The following LOC128092252 variants were observed in gnomAD, a reference collection of about 807,000 sequenced individuals.
the LOC128092252 span, among the ~76,000 whole-genome samples, chr15:50,660,524 G>A: frequency 2.6e-5 from 4 of 152,086 alleles, no homozygotes; most frequent in South Asian, 2.1e-4. Flanking sequence ...GCGTGGTAGC[G>A]CATGCCTATA....
chr15:50,659,945 G>T, the LOC128092252 span, among the ~76,000 whole-genome samples: 2 of 152,084 alleles, frequency 1.3e-5, no homozygotes, highest in Non-Finnish European at 2.9e-5. Flanking sequence ...GATTACAGGC[G>T]TGAGCCACCA....
At chr15:50,657,725 TAG>T in the LOC128092252 span, 4 of 1,450,648 alleles carry the variant, frequency 2.8e-6, no homozygotes, top group Non-Finnish European at 3.8e-6. Flanking sequence ...ATATTTCTAA[TAG>T]ATTAGTTTTA....
At chr15:50,683,577 T>C in the LOC128092252 span, among the ~76,000 whole-genome samples, 1 of 151,762 alleles carries the variant, frequency 6.6e-6, no homozygotes, top group African/African-American at 2.4e-5. Flanking sequence ...CTACTAAAAA[T>C]ACAAAAATTA....
the LOC128092252 span, among the ~76,000 whole-genome samples, chr15:50,678,750 C>A: frequency 2.6e-5 from 4 of 152,022 alleles, no homozygotes; most frequent in African/African-American, 7.2e-5. Context: ...AAACTTAAGG[C>A]CAGGTGCAGT....
At chr15:50,678,822 G>A in the LOC128092252 span, among the ~76,000 whole-genome samples, 1 of 152,054 alleles carries the variant, frequency 6.6e-6, no homozygotes, top group Admixed American at 6.6e-5. Flanking sequence ...TTAAGCCCAG[G>A]AGTTCAAGAT....
the LOC128092252 span, among the ~76,000 whole-genome samples, chr15:50,682,173 C>CAAAAAAAAAAAAAAAAAAAAAA: frequency 5.5e-4 from 35 of 63,666 alleles, 3 homozygotes; most frequent in Non-Finnish European, 8.1e-4. Context: ...AACTCAGTCT[C>CAAAAAAAAAAAAAAAAAAAAAA]AAAAAAAAAA....
chr15:50,658,489 G>A, the LOC128092252 span, among the ~76,000 whole-genome samples: 1 of 151,490 alleles, frequency 6.6e-6, no homozygotes, highest in Non-Finnish European at 1.5e-5. Context: ...AGGATTCCTT[G>A]AGCATGGGAG....
At chr15:50,648,888 A>G in the LOC128092252 span, 4 of 1,597,896 alleles carry the variant, frequency 2.5e-6, no homozygotes, top group Non-Finnish European at 3.4e-6. Context: ...AAAAACACCT[A>G]AAAGAAAAAG....
chr15:50,670,805 AAAAAG>A, the LOC128092252 span, among the ~76,000 whole-genome samples: 1 of 133,946 alleles, frequency 7.5e-6, no homozygotes, highest in African/African-American at 2.9e-5. Context: ...TAAAAAAAAG[AAAAAG>A]AAAAAAAAAA....
chr15:50,670,804 GAA>G, the LOC128092252 span, among the ~76,000 whole-genome samples: 1 of 75,976 alleles, frequency 1.3e-5, no homozygotes, highest in Non-Finnish European at 2.8e-5. Flanking sequence ...GTAAAAAAAA[GAA>G]AAAGAAAAAA....
At chr15:50,678,518 ATATATAT>A in the LOC128092252 span, among the ~76,000 whole-genome samples, 43 of 118,422 alleles carry the variant, frequency 3.6e-4, no homozygotes, top group African/African-American at 1.1e-3. Flanking sequence ...AAAAAAAAAA[ATATATAT>A]ATATATATAT....
the LOC128092252 span, among the ~76,000 whole-genome samples, chr15:50,665,151 C>T: frequency 6.6e-6 from 1 of 152,024 alleles, no homozygotes; most frequent in Non-Finnish European, 1.5e-5. Context: ...TACCTGCAAT[C>T]CGAGTACTTT....
chr15:50,678,517 A>AAATAT, the LOC128092252 span, among the ~76,000 whole-genome samples: 2 of 132,720 alleles, frequency 1.5e-5, no homozygotes, highest in African/African-American at 5.6e-5. Flanking sequence ...AAAAAAAAAA[A>AAATAT]ATATATATAT....
the LOC128092252 span, among the ~76,000 whole-genome samples, chr15:50,666,310 C>A: frequency 6.6e-6 from 1 of 151,740 alleles, no homozygotes; most frequent in Non-Finnish European, 1.5e-5. Context: ...TGTGATGGCA[C>A]GTGCCTGTAG....
chr15:50,684,196 A>T, the LOC128092252 span, among the ~76,000 whole-genome samples: 1 of 148,936 alleles, frequency 6.7e-6, no homozygotes, highest in Non-Finnish European at 1.5e-5. Context: ...TCTGTCACCC[A>T]GGCTGTAGTG....
the LOC128092252 span, among the ~76,000 whole-genome samples, chr15:50,665,011 CAT>C: frequency 1.3e-5 from 2 of 152,116 alleles, no homozygotes; most frequent in African/African-American, 2.4e-5. Context: ...ATTTTAACAA[CAT>C]GTTAACAAGC....
the LOC128092252 span, among the ~76,000 whole-genome samples, chr15:50,678,147 A>G: frequency 6.7e-6 from 1 of 150,104 alleles, no homozygotes; most frequent in South Asian, 2.2e-4. Context: ...AGGCTGAGGC[A>G]GGAGGATGGC....
chr15:50,660,528 G>A, the LOC128092252 span, among the ~76,000 whole-genome samples: 1 of 152,118 alleles, frequency 6.6e-6, no homozygotes, highest in East Asian at 1.9e-4. Context: ...GGTAGCGCAT[G>A]CCTATAGTCC....
At chr15:50,685,031 G>A in the LOC128092252 span, among the ~76,000 whole-genome samples, 52,935 of 152,168 alleles carry the variant, frequency 0.35, 10,418 homozygotes, top group Admixed American at 0.48. Context: ...ATCCATAAAT[G>A]ACATTTGTCT....
Sources: allele counts gnomAD v4.1 joint callset (sites outside exome capture counted in the v4.1 genomes callset), GRCh38; gene constraint gnomAD v4.1.1; transcripts MANE v1.5.